Variants in STAT2 observed in about 807,000 individuals in gnomAD.
The protein encoded by STAT2 is signal transducer and activator of transcription 2.
STAT2 carries 51 observed loss-of-function variants against 122.3 expected under a neutral mutation model. The ratio of observed to expected loss-of-function variants is 0.42; its 90% CI spans 0.33 to 0.53. STAT2 has a LOEUF of 0.53. Ranked by LOEUF, STAT2 falls within the 20% of genes least tolerant of loss-of-function variation. The pLI is 0.10. For missense variants in STAT2, 736 were observed against 1,010.3 expected (o/e 0.73, Z 3.68); for synonymous variants, 351 against 394.9 (o/e 0.89, Z 1.32).
chr12:56,347,582 A>G (rs564158995), intron 19 of STAT2, among the ~76,000 whole-genome samples: 1 of 151,790 alleles, frequency 6.6e-6, no homozygotes, highest in East Asian at 1.9e-4. Context: ...GGCTCACTGT[A>G]ACCTTCTCTC....
Position 56,346,830 on chromosome 12 carries a change from T to C in STAT2, c.1850A>G (p.His617Arg), listed in dbSNP as rs757527791. 3.1e-6 allele frequency: 5 copies of C among 1,614,168 alleles called. No homozygotes were observed. The Admixed American group carries it at 8.3e-5, about 27-fold the overall frequency. ...EGGITCSWVE[H>R]QDDDKVLIYS... is the part of the protein sequence containing the mutation. The stretch of plus-strand genomic sequence containing the variant: ...GCAGAGCAGCTGACCATCATCCTGG[T>C]GCTCCACCCAGGAGCAGGTAATGCC... The change falls in exon 20 of 24, where the codon CAC (histidine) becomes CGC (arginine). Residue 617 changes from histidine to arginine, a missense_variant. His to Arg is a conservative substitution (Grantham distance 29). Coordinates refer to ENST00000314128, the MANE Select transcript of STAT2 (RefSeq NM_005419.4).
intron 22 of STAT2, 137 bp from the exon 23 acceptor site, chr12:56,344,272 T>TTCAAACTCCA: frequency 7.8e-7 from 1 of 1,288,206 alleles, no homozygotes; most frequent in Non-Finnish European, 1.0e-6. Context: ...TCAGGCCTCC[T>TTCAAACTCCA]GGAGTTTGAA....
chr12:56,355,398 T>A (rs1274389119), intron 5 of STAT2, 45 bp downstream of exon 5: 4 of 1,614,020 alleles, frequency 2.5e-6, no homozygotes, highest in Non-Finnish European at 3.4e-6. Context: ...CAGGGAGGTG[T>A]TAGGCTGAAC....
In STAT2 at chr12:56,355,294, A is replaced by G. The variant is rs759490169; in HGVS notation, c.529T>C (p.Tyr177His). The G allele has an allele frequency of 4.3e-6, 7 of 1,613,998 alleles. No individual in the cohort carries two copies. The highest frequency in any genetic ancestry group is 5.9e-6 in the Non-Finnish European group (7 of 1,180,036). ...KDQQDVFCFR[Y>H]KIQAKGKTPS... ...TTCCTACCTTTGGCCTGGATCTTAT[A>G]TCGGAAGCAGAAGACATCCTGCTGG... The change falls in exon 6 of 24, where the codon TAT becomes CAT. Residue 177 changes from tyrosine (Y) to histidine (H), a missense_variant. Coordinates refer to ENST00000314128, the MANE Select transcript of STAT2 (RefSeq NM_005419.4).
intron 22 of STAT2, among the ~76,000 whole-genome samples, chr12:56,344,806 A>T (rs1015999704): frequency 1.3e-5 from 2 of 152,142 alleles, no homozygotes; most frequent in Non-Finnish European, 1.5e-5. Flanking sequence ...GGAGTTTGAG[A>T]CCAGCCTGGC....
chr12:56,354,295 T>C, intron 8 of STAT2, 171 bp downstream of exon 8: 1 of 939,752 alleles, frequency 1.1e-6, no homozygotes, highest in Non-Finnish European at 1.5e-6. Context: ...GGCTCTGGGC[T>C]CCCTGCGTGG....
At chr12:56,344,188 C>T (rs1044598815) in intron 22 of STAT2, 53 bp from the exon 23 acceptor site, 1 of 1,513,972 alleles carries the variant, frequency 6.6e-7, no homozygotes, top group African/African-American at 1.4e-5. Context: ...CAAATGAAAT[C>T]AGGAATGGTA....
chr12:56,346,791 G>A (rs753326288), intron 20 of STAT2, 28 bp downstream of exon 20: 3 of 1,614,000 alleles, frequency 1.9e-6, no homozygotes, highest in South Asian at 1.1e-5. Context: ...AGGAGAGGCT[G>A]TGGGAATGGC....
chr12:56,349,791 G>A, intron 13 of STAT2, 155 bp from the exon 14 acceptor site: 2 of 987,968 alleles, frequency 2.0e-6, no homozygotes, highest in Non-Finnish European at 1.5e-6. Flanking sequence ...GCTCATGCCT[G>A]TGATCCCAGC....
At chr12:56,348,664 C>T in intron 18 of STAT2, 41 bp from the exon 19 acceptor site, 1 of 1,614,036 alleles carries the variant, frequency 6.2e-7, no homozygotes. Flanking sequence ...TGAGGAGTTG[C>T]CTCTGGTGTA....
chr12:56,358,522 A>G (rs1879877199), intron 1 of STAT2, among the ~76,000 whole-genome samples: 1 of 152,318 alleles, frequency 6.6e-6, no homozygotes, highest in African/African-American at 2.4e-5. Context: ...CTGGGATTAC[A>G]GGGGTGAACC....
chr12:56,349,524 G>T lies in STAT2; in HGVS notation c.1258-15C>A, dbSNP rs1878105747. ...CCTAGTGGCCCCTGGGACAGCCAAA[G>T]ACATAGTCATCAGAAGGCTCTTTGG... is the stretch of plus-strand genomic sequence containing the variant. On this transcript the variant is annotated splice_polypyrimidine_tract_variant and intron_variant, in intron 14 of 23. Coordinates refer to ENST00000314128, the MANE Select transcript of STAT2 (RefSeq NM_005419.4). 3 of 1,614,198 alleles carry T rather than the reference G, an allele frequency of 1.9e-6. No homozygotes were observed. The highest frequency in any genetic ancestry group is 4.5e-5 in the East Asian group (2 of 44,884).
rs1476562673 is a variant in STAT2, at chr12:56,343,086, C to G, written c.*303G>C. ...TGGAAAGAAGCCACTGCCCTGAGCC[C>G]TCCAAGTACCTGTCAACTGCCCTGG... On this transcript the variant is annotated 3_prime_UTR_variant, in exon 24 of 24. Coordinates refer to ENST00000314128, the MANE Select transcript of STAT2 (RefSeq NM_005419.4). The G allele has an allele frequency of 6.5e-6, 2 of 307,640 alleles. No individual in the cohort carries two copies. The highest frequency in any genetic ancestry group is 4.2e-5 in the African/African-American group (2 of 47,164). 19.1% of individuals were successfully genotyped at this position (307,640 alleles called of 1,614,324 possible). A position where few individuals can be genotyped will look rare whatever the true frequency, so the allele number is the denominator to read the frequency against.
chr12:56,350,048 C>A, intron 13 of STAT2, 49 bp downstream of exon 13: 1 of 1,538,666 alleles, frequency 6.5e-7, no homozygotes, highest in South Asian at 1.1e-5. Context: ...GACTCCGTCT[C>A]AAAAAAATAA....
At chr12:56,347,084 CT>C in intron 19 of STAT2, 129 bp from the exon 20 acceptor site, 1 of 1,389,016 alleles carries the variant, frequency 7.2e-7, no homozygotes. Flanking sequence ...AGCCCTGCCA[CT>C]TAGCTTTTTT....
intron 8 of STAT2, among the ~76,000 whole-genome samples, chr12:56,353,544 A>G (rs1298848382): frequency 6.6e-6 from 1 of 152,134 alleles, no homozygotes; most frequent in Non-Finnish European, 1.5e-5. Context: ...TTTCTACAAC[A>G]CAATATAATT....
At chr12:56,354,422 T>C in intron 8 of STAT2, 44 bp downstream of exon 8, 2 of 1,612,878 alleles carry the variant, frequency 1.2e-6, no homozygotes, top group South Asian at 2.2e-5. Flanking sequence ...AACTTACAAA[T>C]CACAGCGCAT....
rs78289637 is a variant in STAT2, at chr12:56,356,369, G to T, written c.131+72C>A. On this transcript the variant is annotated intron_variant, in intron 2 of 23. Coordinates refer to ENST00000314128, the MANE Select transcript of STAT2 (RefSeq NM_005419.4). ...TTTCCAACCCCTTCCTGCCATTAAT[G>T]ATTCCAGGATCCCGGGGGCCCAGAA... The T allele has an allele frequency of 1.6e-3, 2,598 of 1,605,892 alleles. 17 individuals are homozygous for T. The highest frequency in any genetic ancestry group is 0.012 in the Middle Eastern group (67 of 5,788).
Position 56,355,309 on chromosome 12 carries a change from C to T in STAT2, c.514G>A (p.Val172Ile), listed in dbSNP as rs945706789. The change falls in exon 6 of 24, where the codon GTC (valine) becomes ATC (isoleucine). Residue 172 changes from valine (V) to isoleucine (I), a missense_variant. Transcript: ENST00000314128. ...TGGATCTTATATCGGAAGCAGAAGACATCCTGCTGGTCTTTCAGTTGGCTG... is the reference window on the plus strand; with the variant it reads ...TGGATCTTATATCGGAAGCAGAAGATATCCTGCTGGTCTTTCAGTTGGCTG... The part of the protein sequence containing the change: ...SISQLKDQQD[V>I]FCFRYKIQAK... 5.0e-6 allele frequency: 8 copies of T among 1,614,100 alleles called. No homozygotes were observed. The African/African-American group carries it at 9.3e-5, about 19-fold the overall frequency.
Sources: gnomAD v4.1 joint callset for allele counts (sites outside exome capture counted in the v4.1 genomes callset) on GRCh38, gnomAD v4.1.1 for gene constraint, MANE v1.5 for transcripts, NCBI Gene and HGNC (gene_info 2026-07-23, HGNC 2026-07-21) for gene names.